Variants in RFC2 observed in about 807,000 individuals in gnomAD.
The protein encoded by RFC2 is A1 40 kDa subunit.
Under a neutral mutation model 44.8 loss-of-function variants are expected in RFC2, and 34 were observed. That is an observed-to-expected ratio of 0.76 (90% CI 0.58 to 1.01). The LOEUF is 1.01. Ranked by LOEUF, RFC2 falls within the 50% of genes least tolerant of loss-of-function variation. The pLI, the probability that RFC2 is intolerant of heterozygous loss-of-function variation, is 0.00. For synonymous variants in RFC2, 177 were observed against 168.9 expected (o/e 1.05, Z -0.37); for missense variants, 400 against 453.6 (o/e 0.88, Z 1.07).
chr7:74,234,088 TG>T (rs1294966069), intron 10 of RFC2, among the ~76,000 whole-genome samples: 18 of 152,138 alleles, frequency 1.2e-4, no homozygotes, highest in African/African-American at 4.1e-4. Flanking sequence ...AAGCAAACTG[TG>T]GTACACGCAC....
At chr7:74,247,337 G>A (rs3135669) in intron 4 of RFC2, among the ~76,000 whole-genome samples, 1,852 of 152,212 alleles carry the variant, frequency 0.012, 16 homozygotes, top group Middle Eastern at 0.027. Flanking sequence ...ATTATTAGGT[G>A]AATCAGAAAA....
At chr7:74,235,453 A>G in intron 10 of RFC2, 79 bp downstream of exon 10, 1 of 913,878 alleles carries the variant, frequency 1.1e-6, no homozygotes. Flanking sequence ...AAGTGCTGGG[A>G]TTACAGGTGT....
In RFC2 at chr7:74,254,315, G is replaced by C; in HGVS notation, c.69C>G (p.Ala23=). The change falls in exon 1 of 11, where the codon GCC becomes GCG. Residue 23 remains alanine, a synonymous_variant. Coordinates refer to ENST00000055077, the MANE Select transcript of RFC2 (RefSeq NM_181471.3). ...CGGCGCTGCCGGGGGCCTTGCTGAA[G>C]GCAGGGGCAGGGTCAGAGTCCTGGG... ...VEAQDSDPAP[A]FSKAPGSAGH... The C allele has an allele frequency of 6.2e-7, 1 of 1,612,716 alleles. No individual in the cohort carries two copies. Among genetic ancestry groups the C allele is most frequent in the Non-Finnish European group, 8.5e-7 (1 of 1,179,642 alleles).
chr7:74,234,727 T>G (rs2116251800), intron 10 of RFC2, among the ~76,000 whole-genome samples: 1 of 152,204 alleles, frequency 6.6e-6, no homozygotes. Context: ...GCTGTTCAAA[T>G]GAGCCTGGCA....
In RFC2 at chr7:74,254,345, C is replaced by T. The variant is rs781956019; in HGVS notation, c.39G>A (p.Val13=). 1 of 1,610,348 alleles carries T rather than the reference C, an allele frequency of 6.2e-7. No homozygotes were observed. Among genetic ancestry groups the T allele is most frequent in the South Asian group, 1.1e-5 (1 of 90,794 alleles). Reference sequence around the variant, plus strand: ...GGGCAGGGTCAGAGTCCTGGGCCTCCACCTCGCCCGCGCCACCACAGACGG... The same window carrying T: ...GGGCAGGGTCAGAGTCCTGGGCCTCTACCTCGCCCGCGCCACCACAGACGG... ...VEAVCGGAGE[V]EAQDSDPAPA... is the part of the protein sequence containing the mutation. Residue 13 remains valine, a synonymous_variant, in exon 1 of 11, where the codon GTG becomes GTA. Transcript: ENST00000055077.
At chr7:74,232,507 T>G (rs1802789142) in intron 10 of RFC2, among the ~76,000 whole-genome samples, 1 of 152,118 alleles carries the variant, frequency 6.6e-6, no homozygotes, top group Non-Finnish European at 1.5e-5. Context: ...AAAGCCAGGC[T>G]AGAGGAAAAT....
intron 5 of RFC2, among the ~76,000 whole-genome samples, chr7:74,246,357 C>T (rs1197798290): frequency 6.6e-6 from 1 of 150,952 alleles, no homozygotes; most frequent in Non-Finnish European, 1.5e-5. Flanking sequence ...AGAGATCACA[C>T]CACTATACTC....
At chr7:74,240,872 T>C (rs1176545115) in intron 6 of RFC2, among the ~76,000 whole-genome samples, 1 of 152,144 alleles carries the variant, frequency 6.6e-6, no homozygotes, top group Non-Finnish European at 1.5e-5. Flanking sequence ...GTAGTCTTCC[T>C]GCCTCAGCCT....
intron 4 of RFC2, 66 bp from the exon 5 acceptor site, chr7:74,246,829 T>A (rs1237271567): frequency 4.5e-6 from 5 of 1,108,628 alleles, no homozygotes; most frequent in Non-Finnish European, 6.8e-6. Context: ...ACAAGGACTT[T>A]TAAACAATCG....
At chr7:74,252,402 G>C in intron 2 of RFC2, 27 bp downstream of exon 2, 1 of 1,284,054 alleles carries the variant, frequency 7.8e-7, no homozygotes. Flanking sequence ...GCGAGACTCT[G>C]TCTCAAAAAA....
At chr7:74,234,188 T>C (rs1288958106) in intron 10 of RFC2, among the ~76,000 whole-genome samples, 2 of 152,022 alleles carry the variant, frequency 1.3e-5, no homozygotes, top group African/African-American at 2.4e-5. Context: ...TCTGCTACAG[T>C]GAAAGAAAGA....
chr7:74,239,018 G>A (rs1554718818), intron 7 of RFC2, 30 bp from the exon 8 acceptor site: 74 of 1,577,928 alleles, frequency 4.7e-5, no homozygotes, highest in Non-Finnish European at 6.4e-5. Context: ...TGTCAAGGAT[G>A]ATTTTTATAT....
At chr7:74,252,400 C>CT (rs1564002036) in intron 2 of RFC2, 29 bp downstream of exon 2, 4 of 1,306,332 alleles carry the variant, frequency 3.1e-6, no homozygotes. Context: ...GAGCGAGACT[C>CT]TGTCTCAAAA....
intron 7 of RFC2, among the ~76,000 whole-genome samples, chr7:74,239,737 C>T (rs908938450): frequency 6.6e-6 from 1 of 152,152 alleles, no homozygotes; most frequent in Non-Finnish European, 1.5e-5. Flanking sequence ...CCTCAGCCTC[C>T]GGGGTGACTT....
At chr7:74,237,852 C>T (rs944661443) in intron 8 of RFC2, among the ~76,000 whole-genome samples, 3 of 152,162 alleles carry the variant, frequency 2.0e-5, no homozygotes, top group Non-Finnish European at 4.4e-5. Context: ...GCCTTCCCTA[C>T]AAAAGGTCCC....
In RFC2 at chr7:74,254,395, C is replaced by G. The variant is rs782186583; in HGVS notation, c.-12G>C. The G allele has an allele frequency of 5.1e-6, 8 of 1,568,250 alleles. No homozygotes were observed. Among genetic ancestry groups the G allele is most frequent in the Non-Finnish European group, 6.1e-6 (7 of 1,150,882 alleles). ...GCCTCCACCTCCATTCTCGCGCCTC[C>G]TCTTCCCGCCACCCGAGGCACCGCC... On this transcript the variant is annotated 5_prime_UTR_variant, in exon 1 of 11. Coordinates refer to ENST00000055077, the MANE Select transcript of RFC2 (RefSeq NM_181471.3).
At chr7:74,232,252 G>A in intron 10 of RFC2, 36 bp from the exon 11 acceptor site, 2 of 1,087,624 alleles carry the variant, frequency 1.8e-6, no homozygotes, top group Non-Finnish European at 2.8e-6. Flanking sequence ...TGGTTAATAA[G>A]TGGGGGAGTT....
intron 3 of RFC2, 46 bp from the exon 4 acceptor site, chr7:74,249,164 C>T (rs782116638): frequency 7.4e-6 from 12 of 1,612,116 alleles, no homozygotes; most frequent in Middle Eastern, 1.6e-4. Context: ...CCAGAAGGAC[C>T]TCAGGTAGCT....
chr7:74,238,333 G>T lies in RFC2; in HGVS notation c.759+590C>A, dbSNP rs1182513069. ...TGAATCTCTCAAATGGCATTTAGACGCGGAGTTATCAGGATGCGGAAGCAG... is the reference window on the plus strand; with the variant it reads ...TGAATCTCTCAAATGGCATTTAGACTCGGAGTTATCAGGATGCGGAAGCAG... On this transcript the variant is annotated intron_variant, in intron 8 of 10. Coordinates refer to ENST00000055077, the MANE Select transcript of RFC2 (RefSeq NM_181471.3). The surrounding 1 kb of genome is among the most constrained non-coding windows in gnomAD (Gnocchi z 4.0). Among the ~76,000 whole-genome samples the T allele has an allele frequency of 2.6e-5, 4 of 152,278 alleles. No homozygotes were observed. The highest frequency in any genetic ancestry group is 2.9e-5 in the Non-Finnish European group (2 of 68,018).
Sources: gnomAD v4.1 joint callset for allele counts (sites outside exome capture counted in the v4.1 genomes callset) on GRCh38, gnomAD v4.1.1 for gene constraint, Gnocchi (gnomAD v3.1) non-coding constraint, MANE v1.5 for transcripts, NCBI Gene and HGNC (gene_info 2026-07-23, HGNC 2026-07-21) for gene names.